ZMIZ1: variants seen among roughly 807,000 people sequenced by gnomAD.
ZMIZ1 encodes zinc finger MIZ domain-containing protein 1.
In ZMIZ1, 17 loss-of-function variants were observed where a neutral mutation model predicts 113.9. The observed-to-expected ratio is 0.15, with a 90% CI of 0.10 to 0.22. The LOEUF is 0.22. Ranked by LOEUF, ZMIZ1 falls within the 10% of genes least tolerant of loss-of-function variation. The pLI is 1.00. For missense variants in ZMIZ1, 1,059 were observed against 1,477.8 expected, an observed-to-expected ratio of 0.72 and a Z score of 4.65; for synonymous variants, 607 against 603.1, an observed-to-expected ratio of 1.01 and a Z score of -0.09.
At chr10:79,139,516 G>A (rs950879908) in intron 2 of ZMIZ1, among the ~76,000 whole-genome samples, 166 bp from the exon 3 acceptor site, 19 of 152,138 alleles carry the variant, frequency 1.2e-4, no homozygotes, top group Admixed American at 5.9e-4. Context: ...GTGTGGCTGG[G>A]CGGGGAAGAC....
chr10:79,192,320 G>C (rs1847638782), intron 4 of ZMIZ1, among the ~76,000 whole-genome samples: 1 of 152,256 alleles, frequency 6.6e-6, no homozygotes, highest in African/African-American at 2.4e-5. Context: ...ATTAACTTCT[G>C]TGTCCCAGGG....
At chr10:79,289,177 G>T (rs1242802890) in intron 8 of ZMIZ1, among the ~76,000 whole-genome samples, 1 of 152,124 alleles carries the variant, frequency 6.6e-6, no homozygotes, top group African/African-American at 2.4e-5. Flanking sequence ...GAGAGATCGG[G>T]GTGGGGGCAG....
At chr10:79,305,691 C>A in intron 21 of ZMIZ1, 90 bp downstream of exon 21, 1 of 1,332,542 alleles carries the variant, frequency 7.5e-7, no homozygotes, top group South Asian at 1.2e-5. Context: ...CTGACACAGC[C>A]CTCCCCTCCC....
chr10:79,155,115 G>A (rs766887206), intron 3 of ZMIZ1, among the ~76,000 whole-genome samples: 26 of 152,086 alleles, frequency 1.7e-4, no homozygotes, highest in Admixed American at 9.2e-4. Context: ...CTGATGCATC[G>A]GAACCTAGAT....
chr10:79,305,358 G>A (rs988370069), intron 20 of ZMIZ1, 127 bp downstream of exon 20: 9 of 1,264,274 alleles, frequency 7.1e-6, no homozygotes, highest in Non-Finnish European at 1.0e-5. Flanking sequence ...AGGGGCTCAG[G>A]TTATGGGGGC....
intron 7 of ZMIZ1, among the ~76,000 whole-genome samples, chr10:79,273,135 T>C (rs1334797750): frequency 6.6e-6 from 1 of 152,146 alleles, no homozygotes; most frequent in Non-Finnish European, 1.5e-5. Flanking sequence ...TGTGCCTCTA[T>C]TTCTCCTCCC....
intron 4 of ZMIZ1, among the ~76,000 whole-genome samples, chr10:79,191,834 T>C (rs902368232): frequency 6.6e-6 from 1 of 152,240 alleles, no homozygotes; most frequent in African/African-American, 2.4e-5. Flanking sequence ...TCTTCATCTG[T>C]AGTAGCCTCT....
intron 7 of ZMIZ1, among the ~76,000 whole-genome samples, chr10:79,254,613 A>G (rs1012297503): frequency 2.3e-4 from 35 of 152,392 alleles, no homozygotes; most frequent in African/African-American, 7.9e-4. Flanking sequence ...GCCACCCCTC[A>G]GGCAGGTCTG....
chr10:79,176,208 A>C lies in ZMIZ1; in HGVS notation c.-50+14075A>C, dbSNP rs373254232. ...CTGCCTCTCGAAATGTCATTAATATATGGCTAGCGGGGAGAGCTCCCAGGC... is the reference window on the plus strand; with the variant it reads ...CTGCCTCTCGAAATGTCATTAATATCTGGCTAGCGGGGAGAGCTCCCAGGC... On this transcript the variant is annotated intron_variant, in intron 4 of 24. Coordinates refer to ENST00000334512, the MANE Select transcript of ZMIZ1 (RefSeq NM_020338.4). Among the ~76,000 whole-genome samples the C allele has an allele frequency of 5.9e-5, 9 of 152,138 alleles. No individual in the cohort carries two copies. In the South Asian group the frequency reaches 1.0e-3, roughly 18 times the overall value.
intron 18 of ZMIZ1, among the ~76,000 whole-genome samples, chr10:79,302,662 C>G (rs1854384312): frequency 6.9e-6 from 1 of 145,516 alleles, no homozygotes; most frequent in South Asian, 2.2e-4. Context: ...GATTGGCCTC[C>G]CTACTTCAAC....
At chr10:79,110,608 G>A (rs1225352470) in intron 1 of ZMIZ1, among the ~76,000 whole-genome samples, 1 of 152,202 alleles carries the variant, frequency 6.6e-6, no homozygotes, top group Non-Finnish European at 1.5e-5. Flanking sequence ...GACTCTGAAT[G>A]CTGTGCCCTC....
Position 79,296,786 on chromosome 10 carries a change from C to G in ZMIZ1, c.1413+133C>G. The G allele has an allele frequency of 1.1e-6, 1 of 881,188 alleles. No homozygotes were observed. The highest frequency in any genetic ancestry group is 1.6e-6 in the Non-Finnish European group (1 of 610,012). The allele number at this position is 881,188 out of a possible 1,614,324, so 54.6% of individuals were successfully genotyped here. On this transcript the variant is annotated intron_variant, in intron 13 of 24. Transcript: ENST00000334512. This position sits in a 1 kb window ranked among gnomAD's most constrained non-coding sequence, Gnocchi z 4.1. ...CAGCGAGGGGTGGGTGATTTCTGAA[C>G]GTCCCCATGTGTTCAGGGCGAAGTT...
intron 5 of ZMIZ1, among the ~76,000 whole-genome samples, chr10:79,203,225 A>G (rs558859386): frequency 6.6e-6 from 1 of 152,288 alleles, no homozygotes; most frequent in Admixed American, 6.5e-5. Context: ...TGCCCAGTGG[A>G]ACTGAGGCTG....
chr10:79,268,246 C>T (rs765366891), intron 7 of ZMIZ1, among the ~76,000 whole-genome samples: 13 of 152,218 alleles, frequency 8.5e-5, no homozygotes, highest in Non-Finnish European at 1.8e-4. Flanking sequence ...GAACTGCTTG[C>T]CTCCTGTTCC....
At chr10:79,284,413 A>C (rs552006587) in intron 8 of ZMIZ1, among the ~76,000 whole-genome samples, 103 of 152,284 alleles carry the variant, frequency 6.8e-4, no homozygotes, top group Non-Finnish European at 1.3e-3. Context: ...AAATGAAGAA[A>C]GTCTCAGAGG....
At chr10:79,180,850 C>T (rs776033222) in intron 4 of ZMIZ1, among the ~76,000 whole-genome samples, 37 of 152,246 alleles carry the variant, frequency 2.4e-4, no homozygotes, top group Non-Finnish European at 4.8e-4. Context: ...AGCTCAAGCC[C>T]GGTCTTCGGG....
intron 7 of ZMIZ1, among the ~76,000 whole-genome samples, chr10:79,271,921 T>A (rs1441114981): frequency 3.3e-5 from 5 of 152,174 alleles, no homozygotes; most frequent in African/African-American, 1.2e-4. Context: ...AGGCTCTTCG[T>A]GCTAACTACA....
chr10:79,187,528 G>C (rs1847399757), intron 4 of ZMIZ1, among the ~76,000 whole-genome samples: 1 of 152,206 alleles, frequency 6.6e-6, no homozygotes, highest in Non-Finnish European at 1.5e-5. Flanking sequence ...AAGGGGCCTG[G>C]TGCAGCGAGT....
intron 2 of ZMIZ1, among the ~76,000 whole-genome samples, chr10:79,132,994 G>T (rs543595221): frequency 6.6e-6 from 1 of 152,180 alleles, no homozygotes; most frequent in Non-Finnish European, 1.5e-5. Context: ...GCTCTGGGGT[G>T]GGGGAGGGGA....
Sources: gnomAD v4.1 joint callset for allele counts (sites outside exome capture counted in the v4.1 genomes callset) on GRCh38, gnomAD v4.1.1 for gene constraint, Gnocchi (gnomAD v3.1) non-coding constraint, MANE v1.5 for transcripts, NCBI Gene and HGNC (gene_info 2026-07-23, HGNC 2026-07-21) for gene names.